The following RBM25 variants were observed in gnomAD, a reference collection of about 807,000 sequenced individuals.
RBM25 encodes RNA binding motif protein 25.
A neutral mutation model predicts 120.7 loss-of-function variants in RBM25; 19 were observed. That is an observed-to-expected ratio of 0.16 (90% confidence interval 0.11 to 0.23). The LOEUF (loss-of-function observed/expected upper bound fraction) is 0.23, where lower values mean the gene tolerates loss of function less well. Among genes scored for constraint, RBM25 ranks in the 10% least tolerant of loss-of-function variants. The pLI is 1.00. For missense variants in RBM25, 605 were observed against 1,041.5 expected (o/e 0.58, Z 5.77); for synonymous variants, 390 against 326.7 (o/e 1.19, Z -2.09).
At position 73,074,157 on chromosome 14, in the gene RBM25, C is replaced by T. The variant is rs778452062; in HGVS notation, c.107-2162C>T. On this transcript the variant is annotated intron_variant, in intron 2 of 18. Coordinates refer to ENST00000261973, the MANE Select transcript of RBM25 (RefSeq NM_021239.3). Reference sequence around the variant, plus strand: ...TTGGGCTTCAGTTTTCTCTTTGGTCCGTATATCCTGATTTTCTTCATATAT... The same window carrying T: ...TTGGGCTTCAGTTTTCTCTTTGGTCTGTATATCCTGATTTTCTTCATATAT... Among the ~76,000 whole-genome samples the T allele has an allele frequency of 2.0e-4, 31 of 152,170 alleles. 1 individual carries two copies. Among genetic ancestry groups the T allele is most frequent in the African/African-American group, 5.1e-4 (21 of 41,522 alleles).
At position 73,117,209 on chromosome 14, in the gene RBM25, T is replaced by TA. The variant is rs1566603598; in HGVS notation, c.2440-2504_2440-2503insA. On this transcript the variant is annotated intron_variant, in intron 18 of 18. Coordinates refer to ENST00000261973, the MANE Select transcript of RBM25 (RefSeq NM_021239.3). Reference sequence around the variant, plus strand: ...CTTTCTTTTAATTTCTTTCTTCTTTTCTTTTTTTTTTTTTTTTTTTTTTTT... The same window carrying TA: ...CTTTCTTTTAATTTCTTTCTTCTTTTACTTTTTTTTTTTTTTTTTTTTTTTT... Among the ~76,000 whole-genome samples, 171 of 112,922 alleles carry TA rather than the reference T, an allele frequency of 1.5e-3. 5 individuals carry two copies. Among genetic ancestry groups the TA allele is most frequent in the African/African-American group, 5.5e-3 (157 of 28,314 alleles). The allele number at this position is 112,922 out of a possible 152,430, so 74.1% of individuals were successfully genotyped here. A position where few individuals can be genotyped will look rare whatever the true frequency, so the allele number is the denominator to read the frequency against.
intron 1 of RBM25, among the ~76,000 whole-genome samples, chr14:73,064,584 G>A (rs990992071): frequency 3.3e-5 from 5 of 150,968 alleles, no homozygotes; most frequent in East Asian, 1.9e-4. Context: ...TAATAGAGAC[G>A]GGCTTTCACC....
intron 10 of RBM25, among the ~76,000 whole-genome samples, chr14:73,104,168 G>T (rs527492825): frequency 6.6e-6 from 1 of 151,974 alleles, no homozygotes; most frequent in East Asian, 1.9e-4. Context: ...TGCTCTTTTT[G>T]TTGAAGTTCT....
intron 7 of RBM25, among the ~76,000 whole-genome samples, chr14:73,098,274 C>A (rs1895990713): frequency 6.6e-6 from 1 of 152,074 alleles, no homozygotes; most frequent in Non-Finnish European, 1.5e-5. Flanking sequence ...AGACTATAGG[C>A]ATGTGCTACC....
Position 73,099,877 on chromosome 14 carries a change from T to A in RBM25, c.867+127T>A, listed in dbSNP as rs939380689. ...ATGTTTTTTATAGGTTTAATTGATA[T>A]TTAGATAGAAAAAAGAAACAGAAGA... On this transcript the variant is annotated intron_variant, in intron 9 of 18. Transcript: ENST00000261973. The A allele has an allele frequency of 7.6e-5, 100 of 1,310,418 alleles. No homozygotes were observed. The Middle Eastern group carries it at 1.1e-3, about 15-fold the overall frequency. 81.2% of individuals were successfully genotyped at this position (1,310,418 alleles called of 1,614,324 possible). A position where few individuals can be genotyped will look rare whatever the true frequency, so the allele number is the denominator to read the frequency against.
At chr14:73,110,757 A>G in intron 14 of RBM25, 74 bp from the exon 15 acceptor site, 1 of 1,493,410 alleles carries the variant, frequency 6.7e-7, no homozygotes, top group Non-Finnish European at 9.0e-7. Context: ...ATATTTTACA[A>G]GAGGTAATGT....
At chr14:73,104,892 C>T (rs1209649770) in intron 10 of RBM25, among the ~76,000 whole-genome samples, 2 of 152,134 alleles carry the variant, frequency 1.3e-5, no homozygotes, top group African/African-American at 4.8e-5. Context: ...AAACCCAGAG[C>T]TCTCAACCTT....
intron 6 of RBM25, among the ~76,000 whole-genome samples, chr14:73,095,621 A>C (rs1220493878): frequency 6.6e-6 from 1 of 150,786 alleles, no homozygotes; most frequent in Non-Finnish European, 1.5e-5. Flanking sequence ...AAAAAAAAAG[A>C]ATTTGTTGAG....
At position 73,077,360 on chromosome 14, in the gene RBM25, T is replaced by C. The variant is rs1385953212; in HGVS notation, c.157-9T>C. On this transcript the variant is annotated splice_polypyrimidine_tract_variant and intron_variant, in intron 3 of 18. Transcript: ENST00000261973. ...CTGGATCAATTTTTATTTTGTTTCT[T>C]CACCTTAGGTCTTAGTACCCACTGT... The C allele has an allele frequency of 6.3e-7, 1 of 1,577,434 alleles. No individual in the cohort carries two copies. The highest frequency in any genetic ancestry group is 1.4e-5 in the African/African-American group (1 of 72,932).
chr14:73,108,237 T>C (rs990201489), intron 13 of RBM25, among the ~76,000 whole-genome samples: 2 of 152,224 alleles, frequency 1.3e-5, no homozygotes, highest in African/African-American at 2.4e-5. Context: ...TCGGCTGGAA[T>C]GCAGGGGCAT....
At chr14:73,114,466 C>G in intron 18 of RBM25, 133 bp downstream of exon 18, 1 of 540,110 alleles carries the variant, frequency 1.9e-6, no homozygotes, top group Non-Finnish European at 3.1e-6. Flanking sequence ...AAGTGATCCT[C>G]CTGCCTCAGC....
At chr14:73,061,342 A>G (rs1895001859) in intron 1 of RBM25, among the ~76,000 whole-genome samples, 1 of 151,340 alleles carries the variant, frequency 6.6e-6, no homozygotes, top group South Asian at 2.1e-4. Context: ...TGCGTGAGCC[A>G]CCGCACTTGG....
intron 13 of RBM25, among the ~76,000 whole-genome samples, chr14:73,108,965 GTGCTACTAATGCTA>G (rs1896247917): frequency 6.6e-6 from 1 of 152,162 alleles, no homozygotes; most frequent in East Asian, 1.9e-4. Context: ...AGAACTCTCA[GTGCTACTAATGCTA>G]CTTGATATAT....
intron 1 of RBM25, chr14:73,059,473 AG>A (rs1190329754): frequency 2.6e-5 from 4 of 152,200 alleles, no homozygotes; most frequent in African/African-American, 9.7e-5. Context: ...GAATAGACGT[AG>A]GACTATGAAG....
At position 73,096,939 on chromosome 14, in the gene RBM25, AATGACG is replaced by A. The variant is rs1246169318; in HGVS notation, c.573_578del (p.Asp191_Asp192del). On this transcript the variant is annotated inframe_deletion, in exon 7 of 19. Transcript: ENST00000261973. Reference sequence around the variant, plus strand: ...GAATGCAAGGCCAGAAACTGTCACTAATGACGATGAAGAAGCCTTGGATGAAGAAAC... The same window carrying A: ...GAATGCAAGGCCAGAAACTGTCACTAATGAAGAAGCCTTGGATGAAGAAAC... 1 of 1,612,786 alleles carries A rather than the reference AATGACG, an allele frequency of 6.2e-7. No homozygotes were observed. The highest frequency in any genetic ancestry group is 1.3e-5 in the African/African-American group (1 of 74,872).
rs1408437863 is a variant in RBM25, at chr14:73,097,191, CTTTTCTTT to C, written c.729+96_729+103del. On this transcript the variant is annotated intron_variant, in intron 7 of 18. Transcript: ENST00000261973. ...TGATTACATGTCAGTTTTCTTTTTT[CTTTTCTTT>C]TTTTTTTTTTTTTTTTTTTGAGATG... 4.0e-5 allele frequency: 15 copies of C among 375,724 alleles called. 1 individual carries two copies. Among genetic ancestry groups the C allele is most frequent in the South Asian group, 2.2e-4 (2 of 8,936 alleles). The allele number at this position is 375,724 out of a possible 1,614,324, so 23.3% of individuals were successfully genotyped here.
At chr14:73,070,091 T>C (rs919654959) in intron 1 of RBM25, among the ~76,000 whole-genome samples, 1 of 152,024 alleles carries the variant, frequency 6.6e-6, no homozygotes, top group Non-Finnish European at 1.5e-5. Flanking sequence ...TTCTTTTTCT[T>C]CCCACCCCGA....
At chr14:73,091,473 C>G (rs1895812041) in intron 6 of RBM25, among the ~76,000 whole-genome samples, 1 of 152,170 alleles carries the variant, frequency 6.6e-6, no homozygotes, top group African/African-American at 2.4e-5. Flanking sequence ...TTCAGCCTTC[C>G]AAAGTGCTGG....
chr14:73,103,992 A>T (rs35159604), intron 10 of RBM25, among the ~76,000 whole-genome samples: 49,711 of 111,866 alleles, frequency 0.44, 11,428 homozygotes, highest in African/African-American at 0.63. Flanking sequence ...ACACACACAC[A>T]CACTCTCTCT....
Sources: allele counts gnomAD v4.1 joint callset (sites outside exome capture counted in the v4.1 genomes callset), GRCh38; gene constraint gnomAD v4.1.1; transcripts MANE v1.5; gene names NCBI Gene and HGNC (gene_info 2026-07-23, HGNC 2026-07-21).